The following RNF24 variants were observed in gnomAD, a reference collection of about 807,000 sequenced individuals.
RNF24 encodes ring finger protein 24.
RNF24 carries 14 observed loss-of-function variants against 20.0 expected under a neutral mutation model. The observed-to-expected ratio is 0.70, with a 90% CI of 0.46 to 1.10. The LOEUF (loss-of-function observed/expected upper bound fraction) is 1.10, where lower values mean the gene tolerates loss of function less well. Ranked by LOEUF, RNF24 falls within the 50% of genes least tolerant of loss-of-function variation. The pLI, the probability that RNF24 is intolerant of heterozygous loss-of-function variation, is 0.00. For synonymous variants in RNF24, 45 were observed against 61.1 expected (o/e 0.74, Z 1.23); for missense variants, 124 against 177.6 (o/e 0.70, Z 1.71).
In RNF24 at chr20:3,927,770, T is replaced by A. The variant is rs762434194; in HGVS notation, c.*6293A>T. 4 of 152,202 alleles carry A rather than the reference T, an allele frequency of 2.6e-5. No individual in the cohort carries two copies. Among genetic ancestry groups the A allele is most frequent in the Admixed American group, 6.5e-5 (1 of 15,274 alleles). 9.4% of individuals were successfully genotyped at this position (152,202 alleles called of 1,614,324 possible). ...GGAACGGTGTGCAGTGGGCGTGAGA[T>A]GCAGATCCACCAGGCTTGGGACTGG... On this transcript the variant is annotated 3_prime_UTR_variant, in exon 6 of 6. Coordinates refer to ENST00000358395, the MANE Select transcript of RNF24 (RefSeq NM_001134337.3).
Position 3,932,869 on chromosome 20 carries a change from A to C in RNF24, c.*1194T>G. The C allele has an allele frequency of 2.5e-6, 1 of 398,578 alleles. No homozygotes were observed. Among genetic ancestry groups the C allele is most frequent in the African/African-American group, 2.1e-5 (1 of 48,760 alleles). The allele number at this position is 398,578 out of a possible 1,614,324, so 24.7% of individuals were successfully genotyped here. A position where few individuals can be genotyped will look rare whatever the true frequency, so the allele number is the denominator to read the frequency against. Reference sequence around the variant, plus strand: ...AGAAAAGTTGGACAGAAAGAGCCAAAGAGCAGCATGCGTTTCTCTCCTATA... The same window carrying C: ...AGAAAAGTTGGACAGAAAGAGCCAACGAGCAGCATGCGTTTCTCTCCTATA... On this transcript the variant is annotated 3_prime_UTR_variant, in exon 6 of 6. Transcript: ENST00000358395.
chr20:3,984,816 A>C (rs977621861), intron 1 of RNF24, among the ~76,000 whole-genome samples: 3 of 151,296 alleles, frequency 2.0e-5, no homozygotes, highest in African/African-American at 7.3e-5. Flanking sequence ...TTTCTTTCAA[A>C]TCTCAGTATA....
intron 1 of RNF24, among the ~76,000 whole-genome samples, chr20:3,994,778 T>C (rs1735064362): frequency 6.6e-6 from 1 of 152,214 alleles, no homozygotes; most frequent in Non-Finnish European, 1.5e-5. Flanking sequence ...AGGACTTTAA[T>C]GGTGAATTCT....
In RNF24 at chr20:3,962,596, T is replaced by A. The variant is rs115224010; in HGVS notation, c.143+1279A>T. On this transcript the variant is annotated intron_variant, in intron 2 of 5. Transcript: ENST00000358395. Reference sequence around the variant, plus strand: ...GTCTAGAACTTAAAAGTGGCAGTACTTTTTTTGGGACTTCTTCAGTTAACA... The same window carrying A: ...GTCTAGAACTTAAAAGTGGCAGTACATTTTTTGGGACTTCTTCAGTTAACA... Among the ~76,000 whole-genome samples the A allele has an allele frequency of 8.9e-3, 1,355 of 152,156 alleles. 29 individuals are homozygous for A. Among genetic ancestry groups the A allele is most frequent in the African/African-American group, 0.031 (1,280 of 41,452 alleles).
chr20:3,978,800 C>T (rs903298348), intron 1 of RNF24, among the ~76,000 whole-genome samples: 2 of 151,866 alleles, frequency 1.3e-5, no homozygotes, highest in Admixed American at 1.3e-4. Flanking sequence ...ATAAACAATA[C>T]CATTAACAAA....
At chr20:3,955,421 A>T (rs763506550) in intron 2 of RNF24, among the ~76,000 whole-genome samples, 1 of 152,044 alleles carries the variant, frequency 6.6e-6, no homozygotes. Context: ...TGGCACCCTT[A>T]TTTGCATATC....
intron 2 of RNF24, among the ~76,000 whole-genome samples, chr20:3,949,471 A>C (rs1323242594): frequency 6.6e-6 from 1 of 152,154 alleles, no homozygotes; most frequent in Non-Finnish European, 1.5e-5. Flanking sequence ...GGATCGCTTG[A>C]GCCCAGGAGT....
intron 2 of RNF24, among the ~76,000 whole-genome samples, chr20:3,961,918 T>C (rs189786885): frequency 1.3e-3 from 191 of 152,314 alleles, no homozygotes; most frequent in African/African-American, 4.3e-3. Context: ...TTACATAATG[T>C]TTATCAAACT....
intron 1 of RNF24, among the ~76,000 whole-genome samples, chr20:4,003,600 T>C (rs554053007): frequency 9.2e-5 from 14 of 151,478 alleles, no homozygotes; most frequent in Non-Finnish European, 2.1e-4. Context: ...CAAAGGGTTT[T>C]ATCATTGTTT....
intron 1 of RNF24, among the ~76,000 whole-genome samples, chr20:4,007,794 T>TG (rs1222815913): frequency 1.3e-5 from 2 of 149,748 alleles, no homozygotes; most frequent in African/African-American, 4.9e-5. Context: ...TGTGTGCCTG[T>TG]GGTCGCAGCT....
chr20:3,967,732 A>G (rs2091272659), intron 1 of RNF24, among the ~76,000 whole-genome samples: 1 of 152,186 alleles, frequency 6.6e-6, no homozygotes, highest in Non-Finnish European at 1.5e-5. Context: ...GCAGTGGCTC[A>G]TGCCTGTAAT....
At chr20:3,941,694 AT>A (rs1484891494) in intron 4 of RNF24, among the ~76,000 whole-genome samples, 4 of 152,332 alleles carry the variant, frequency 2.6e-5, no homozygotes, top group Non-Finnish European at 5.9e-5. Flanking sequence ...TAAAAGACAT[AT>A]TGGCAGAGTG....
chr20:3,972,943 C>A (rs1195166897), intron 1 of RNF24, among the ~76,000 whole-genome samples: 1 of 145,576 alleles, frequency 6.9e-6, no homozygotes, highest in Non-Finnish European at 1.5e-5. Flanking sequence ...TGGCTCACGC[C>A]TGTAATCTCA....
chr20:3,997,940 A>C (rs551384461), intron 1 of RNF24, among the ~76,000 whole-genome samples: 1 of 152,340 alleles, frequency 6.6e-6, no homozygotes, highest in African/African-American at 2.4e-5. Context: ...TTTCAGAGGA[A>C]GAGATTGAGG....
At chr20:3,970,381 T>TA (rs368017131) in intron 1 of RNF24, among the ~76,000 whole-genome samples, 6 of 152,106 alleles carry the variant, frequency 3.9e-5, no homozygotes, top group African/African-American at 1.4e-4. Context: ...ACATCAGGTT[T>TA]AAAAAAAATC....
At chr20:3,961,171 C>G (rs2091197604) in intron 2 of RNF24, among the ~76,000 whole-genome samples, 1 of 151,958 alleles carries the variant, frequency 6.6e-6, no homozygotes, top group African/African-American at 2.4e-5. Flanking sequence ...GGAGGCAGAG[C>G]TGGGAGGACT....
intron 2 of RNF24, among the ~76,000 whole-genome samples, chr20:3,959,097 A>C (rs1236562260): frequency 6.6e-6 from 1 of 152,058 alleles, no homozygotes; most frequent in Non-Finnish European, 1.5e-5. Context: ...TCTACCTATT[A>C]ATTACATGAC....
intron 2 of RNF24, 150 bp downstream of exon 2, chr20:3,963,725 T>A (rs913530194): frequency 1.9e-5 from 10 of 538,574 alleles, no homozygotes; most frequent in Non-Finnish European, 3.2e-5. Flanking sequence ...TTTTACTGAT[T>A]ACTAATGCAC....
At chr20:3,967,677 G>A (rs775447622) in intron 1 of RNF24, among the ~76,000 whole-genome samples, 1 of 152,136 alleles carries the variant, frequency 6.6e-6, no homozygotes, top group Non-Finnish European at 1.5e-5. Flanking sequence ...CTTCCCAGGA[G>A]TCAATATTCT....
Sources: gnomAD v4.1 joint callset for allele counts (sites outside exome capture counted in the v4.1 genomes callset) on GRCh38, gnomAD v4.1.1 for gene constraint, MANE v1.5 for transcripts, NCBI Gene and HGNC (gene_info 2026-07-23, HGNC 2026-07-21) for gene names.